Variants in PDE1A observed in about 807,000 individuals in gnomAD.
The protein encoded by PDE1A is phosphodiesterase 1A.
A neutral mutation model predicts 61.7 loss-of-function variants in PDE1A; 35 were observed. The observed-to-expected ratio is 0.57, with a 90% CI of 0.43 to 0.75. The LOEUF (loss-of-function observed/expected upper bound fraction) is 0.75, where lower values mean the gene tolerates loss of function less well. Ranked by LOEUF, PDE1A falls within the 30% of genes least tolerant of loss-of-function variation. The pLI, the probability that PDE1A is intolerant of heterozygous loss-of-function variation, is 0.00. For synonymous variants in PDE1A, 232 were observed against 213.2 expected (o/e 1.09, Z -0.77); for missense variants, 597 against 630.6 (o/e 0.95, Z 0.57).
the PDE1A span, among the ~76,000 whole-genome samples, chr2:182,697,328 A>G: frequency 6.6e-6 from 1 of 152,228 alleles, no homozygotes; most frequent in Admixed American, 6.5e-5. Context: ...AAATTGCTTA[A>G]CATATCTAAA....
the PDE1A span, among the ~76,000 whole-genome samples, chr2:182,656,922 T>C: frequency 2.0e-5 from 3 of 152,160 alleles, no homozygotes; most frequent in Admixed American, 6.5e-5. Flanking sequence ...AAATGTATTA[T>C]ATGCAGAATA....
chr2:182,347,392 T>C (rs1303171036), intron 1 of PDE1A, among the ~76,000 whole-genome samples: 1 of 152,170 alleles, frequency 6.6e-6, no homozygotes, highest in Non-Finnish European at 1.5e-5. Flanking sequence ...GCTTTCAGTA[T>C]AATAGCTCAT....
intron 2 of PDE1A, among the ~76,000 whole-genome samples, chr2:182,481,656 G>A (rs532325524): frequency 2.0e-5 from 3 of 152,042 alleles, no homozygotes; most frequent in South Asian, 2.1e-4. Flanking sequence ...TGTGGAAATA[G>A]CTAGTGACTG....
upstream of PDE1A, among the ~76,000 whole-genome samples, chr2:182,429,024 A>C (rs1703784911): frequency 1.3e-5 from 2 of 152,112 alleles, no homozygotes; most frequent in African/African-American, 4.8e-5. Context: ...TGTTAATCAT[A>C]GGAAATCCAT....
intron 2 of PDE1A, among the ~76,000 whole-genome samples, chr2:182,480,012 A>C (rs189200335): frequency 1.9e-3 from 282 of 152,020 alleles, no homozygotes; most frequent in African/African-American, 6.5e-3. Context: ...CCTCTCTCAA[A>C]TACAAGGGAC....
chr2:182,490,199 C>T (rs1688291015), intron 2 of PDE1A, among the ~76,000 whole-genome samples: 1 of 152,036 alleles, frequency 6.6e-6, no homozygotes, highest in South Asian at 2.1e-4. Context: ...TTAACAACAG[C>T]AGTTTCAGTG....
chr2:182,246,696 G>A (rs986468716), intron 2 of PDE1A, among the ~76,000 whole-genome samples: 2 of 152,056 alleles, frequency 1.3e-5, no homozygotes, highest in African/African-American at 4.8e-5. Context: ...ACAGGTGTGA[G>A]CCACCATGCC....
intron 2 of PDE1A, among the ~76,000 whole-genome samples, chr2:182,243,078 T>C (rs10174618): frequency 0.051 from 7,721 of 152,160 alleles, 627 homozygotes; most frequent in African/African-American, 0.18. Context: ...ATTCATTTAA[T>C]AGAACATACC....
intron 1 of PDE1A, among the ~76,000 whole-genome samples, chr2:182,379,287 G>T (rs890280695): frequency 2.0e-5 from 3 of 152,178 alleles, no homozygotes; most frequent in East Asian, 3.8e-4. Flanking sequence ...GTCCTGCAAT[G>T]TTAAAAGCCA....
At chr2:182,471,503 G>T (rs1267673257) in intron 2 of PDE1A, among the ~76,000 whole-genome samples, 1 of 151,712 alleles carries the variant, frequency 6.6e-6, no homozygotes, top group East Asian at 1.9e-4. Context: ...AGGATAGAAG[G>T]TAAGGTAAAA....
intron 13 of PDE1A, among the ~76,000 whole-genome samples, chr2:182,171,844 C>G (rs995379389): frequency 2.0e-5 from 3 of 151,610 alleles, no homozygotes; most frequent in Admixed American, 6.6e-5. Context: ...TCTGCCCCAT[C>G]ATCTCTGTTC....
intron 2 of PDE1A, among the ~76,000 whole-genome samples, chr2:182,518,515 TTAAAA>T (rs1444903117): frequency 2.6e-5 from 4 of 152,200 alleles, no homozygotes; most frequent in African/African-American, 9.7e-5. Context: ...ATTCCAAGTC[TTAAAA>T]TTAATATCTG....
At chr2:182,647,024 G>A in the PDE1A span, among the ~76,000 whole-genome samples, 41 of 152,262 alleles carry the variant, frequency 2.7e-4, no homozygotes, top group East Asian at 7.9e-3. Flanking sequence ...AGATTGGCAC[G>A]ATGACTTTTT....
At chr2:182,201,630 C>G (rs1559175703) in intron 9 of PDE1A, 58 bp downstream of exon 9, 1 of 1,389,668 alleles carries the variant, frequency 7.2e-7, no homozygotes, top group Admixed American at 2.2e-5. Context: ...TGAGGCCAAG[C>G]CCCTGGAACT....
At chr2:182,397,150 C>T (rs76246645) in intron 1 of PDE1A, among the ~76,000 whole-genome samples, 4,301 of 152,066 alleles carry the variant, frequency 0.028, 203 homozygotes, top group African/African-American at 0.099. Flanking sequence ...TTCATTTCAA[C>T]GATACATACA....
intron 13 of PDE1A, among the ~76,000 whole-genome samples, chr2:182,172,180 T>C (rs1692284501): frequency 6.6e-6 from 1 of 152,026 alleles, no homozygotes; most frequent in Non-Finnish European, 1.5e-5. Context: ...TACTATTTCA[T>C]TTATGTGGAC....
chr2:182,353,386 T>C (rs1342899364), intron 1 of PDE1A, among the ~76,000 whole-genome samples: 2 of 152,204 alleles, frequency 1.3e-5, no homozygotes, highest in Non-Finnish European at 2.9e-5. Context: ...ATATTATACA[T>C]GTTCTAACTC....
At chr2:182,172,393 T>C (rs1692309391) in intron 13 of PDE1A, among the ~76,000 whole-genome samples, 1 of 152,020 alleles carries the variant, frequency 6.6e-6, no homozygotes, top group Non-Finnish European at 1.5e-5. Flanking sequence ...TGTAATGACT[T>C]AATTAGTGGT....
At chr2:182,336,423 G>C (rs919838341) in intron 1 of PDE1A, among the ~76,000 whole-genome samples, 10 of 152,144 alleles carry the variant, frequency 6.6e-5, no homozygotes, top group African/African-American at 2.4e-4. Flanking sequence ...ATGCAACATG[G>C]AATACTATGC....
Sources: gnomAD v4.1 joint callset for allele counts (sites outside exome capture counted in the v4.1 genomes callset) on GRCh38, gnomAD v4.1.1 for gene constraint, MANE v1.5 for transcripts, NCBI Gene and HGNC (gene_info 2026-07-23, HGNC 2026-07-21) for gene names.